MYOF: variants seen among roughly 807,000 people sequenced by gnomAD.
The protein encoded by MYOF is fer-1-like 3, myoferlin.
In MYOF, 244 loss-of-function variants were observed where a neutral mutation model predicts 284.2. The ratio of observed to expected loss-of-function variants is 0.86; its 90% CI spans 0.77 to 0.95. MYOF has a LOEUF of 0.95. MYOF is among the 40% of genes least tolerant of loss of function. The pLI is 0.00. For synonymous variants in MYOF, 904 were observed against 919.7 expected (o/e 0.98, Z 0.31); for missense variants, 2,496 against 2,560.6 (o/e 0.97, Z 0.54).
intron 21 of MYOF, 43 bp downstream of exon 21, chr10:93,379,820 A>G (rs1564665699): frequency 2.5e-6 from 4 of 1,609,766 alleles, no homozygotes; most frequent in Non-Finnish European, 3.4e-6. Flanking sequence ...TACCTAATTC[A>G]CCCTGCTTGG....
chr10:93,361,848 A>C lies in MYOF; in HGVS notation c.2869-291T>G, dbSNP rs547364863. ...AGTGGTTGAATCTCAGCAATTTCTT[A>C]TGGTTCAACTTAATATTATGAAATG... On this transcript the variant is annotated intron_variant, in intron 27 of 53. Coordinates refer to ENST00000359263, the MANE Select transcript of MYOF (RefSeq NM_013451.4). Among the ~76,000 whole-genome samples, 3 of 152,324 alleles carry C rather than the reference A, an allele frequency of 2.0e-5. No homozygotes were observed. In the South Asian group the frequency reaches 6.2e-4, roughly 32 times the overall value.
In MYOF at chr10:93,329,777, A is replaced by T. The variant is rs1302477352; in HGVS notation, c.4869T>A (p.Tyr1623Ter). 10 of 1,614,104 alleles carry T rather than the reference A, an allele frequency of 6.2e-6. No individual in the cohort carries two copies. The highest frequency in any genetic ancestry group is 1.3e-5 in the African/African-American group (1 of 74,928). The change falls in exon 44 of 54, where the codon TAT becomes TAA. Residue 1623 changes from tyrosine to a stop codon, truncating the protein, a stop_gained. Coordinates refer to ENST00000359263, the MANE Select transcript of MYOF (RefSeq NM_013451.4). LOFTEE classifies it high-confidence loss of function. ...CATCCCGGGTAAAGGTGTCATAATCATAGACAGAAATTTTCAGGTCTTTTT... is the reference window on the plus strand; with the variant it reads ...CATCCCGGGTAAAGGTGTCATAATCTTAGACAGAAATTTTCAGGTCTTTTT... ...PQEKDLKISV[Y>*]DYDTFTRDEK...
At chr10:93,423,610 G>A (rs950625145) in intron 5 of MYOF, among the ~76,000 whole-genome samples, 6 of 149,984 alleles carry the variant, frequency 4.0e-5, no homozygotes, top group African/African-American at 1.5e-4. Context: ...AAGGTGGGTG[G>A]ATCACGAGGT....
chr10:93,346,977 G>A (rs1429357148), intron 37 of MYOF, among the ~76,000 whole-genome samples: 1 of 152,180 alleles, frequency 6.6e-6, no homozygotes, highest in East Asian at 1.9e-4. Flanking sequence ...TTGTTGAAAG[G>A]TGAATAGGGA....
chr10:93,340,822 G>A (rs990130606), intron 38 of MYOF, among the ~76,000 whole-genome samples: 1 of 151,776 alleles, frequency 6.6e-6, no homozygotes, highest in Non-Finnish European at 1.5e-5. Flanking sequence ...AGAGAATGAA[G>A]AACTGGGAAG....
chr10:93,377,901 G>A (rs892734065), intron 21 of MYOF, among the ~76,000 whole-genome samples: 3 of 152,184 alleles, frequency 2.0e-5, no homozygotes, highest in African/African-American at 7.2e-5. Flanking sequence ...TGTGGTATTG[G>A]ACTGGAATTG....
At chr10:93,317,705 T>A (rs1179183233) in intron 49 of MYOF, among the ~76,000 whole-genome samples, 1 of 152,192 alleles carries the variant, frequency 6.6e-6, no homozygotes, top group Non-Finnish European at 1.5e-5. Flanking sequence ...CAGATCCTCA[T>A]GCTAGAGGTA....
At chr10:93,388,490 G>C (rs1846510118) in intron 18 of MYOF, among the ~76,000 whole-genome samples, 2 of 152,178 alleles carry the variant, frequency 1.3e-5, no homozygotes, top group African/African-American at 4.8e-5. Flanking sequence ...AGAACCTTCT[G>C]GAAAGGACGG....
At chr10:93,422,663 G>T (rs1848404720) in intron 5 of MYOF, among the ~76,000 whole-genome samples, 1 of 152,072 alleles carries the variant, frequency 6.6e-6, no homozygotes, top group African/African-American at 2.4e-5. Flanking sequence ...GGGCATAGTG[G>T]TGCACACCTG....
At chr10:93,446,273 G>GAAA (rs2056426808) in intron 3 of MYOF, among the ~76,000 whole-genome samples, 3 of 152,012 alleles carry the variant, frequency 2.0e-5, no homozygotes, top group Non-Finnish European at 1.5e-5. Context: ...AATTTTTAGT[G>GAAA]AAAACACCTC....
chr10:93,342,510 C>G (rs1159937844), intron 38 of MYOF, among the ~76,000 whole-genome samples: 2 of 152,210 alleles, frequency 1.3e-5, no homozygotes, highest in Non-Finnish European at 2.9e-5. Flanking sequence ...CTGATACTAC[C>G]ATCACCAATC....
chr10:93,356,772 C>A lies in MYOF; in HGVS notation c.3197G>T (p.Arg1066Leu). 5 of 1,614,204 alleles carry A rather than the reference C, an allele frequency of 3.1e-6. No homozygotes were observed. The highest frequency in any genetic ancestry group is 3.4e-6 in the Non-Finnish European group (4 of 1,180,032). Residue 1066 changes from arginine (R) to leucine (L), a missense_variant, in exon 30 of 54, where the codon CGT becomes CTT. Arg to Leu is a moderately radical substitution (Grantham distance 102, BLOSUM62 -2). This residue lies in a region of MYOF where 2,436 missense variants were observed against 2,480.7 expected (regional missense o/e 0.98). Transcript: ENST00000359263. ...LIGWKFHWKQ[R>L]SSDTFRRRRW... ...TCTGCGGCGGAAGGTATCTGAACTA[C>A]GTTGTTTCCAGTGAAATTTCCAGCC...
chr10:93,308,825 T>C (rs1027670450), intron 53 of MYOF, among the ~76,000 whole-genome samples: 1 of 151,852 alleles, frequency 6.6e-6, no homozygotes, highest in African/African-American at 2.4e-5. Context: ...AATTATCCTA[T>C]CTTAGCATCC....
At chr10:93,330,692 T>A (rs1316474450) in intron 43 of MYOF, among the ~76,000 whole-genome samples, 1 of 152,204 alleles carries the variant, frequency 6.6e-6, no homozygotes, top group Non-Finnish European at 1.5e-5. Context: ...GTATCTGCAC[T>A]ATCCACAGAG....
chr10:93,348,724 G>C (rs1421184502), intron 36 of MYOF, among the ~76,000 whole-genome samples: 1 of 152,060 alleles, frequency 6.6e-6, no homozygotes, highest in East Asian at 1.9e-4. Flanking sequence ...TGCAAACTCT[G>C]GCCACTCACT....
In MYOF at chr10:93,408,858, C is replaced by A. The variant is rs1178666282; in HGVS notation, c.658G>T (p.Val220Phe). 3.7e-6 allele frequency: 6 copies of A among 1,614,082 alleles called. No individual in the cohort carries two copies. In the African/African-American group the frequency reaches 6.7e-5, roughly 18 times the overall value. The change falls in exon 7 of 54, where the codon GTC (valine) becomes TTC (phenylalanine). Residue 220 changes from valine (V) to phenylalanine (F), a missense_variant. This residue lies in a region of MYOF where 2,436 missense variants were observed against 2,480.7 expected (regional missense o/e 0.98). Transcript: ENST00000359263. ...QLSGNNIRPV[V>F]KVHVCGQTHR... ...GTCTGGCCACAGACGTGAACTTTGA[C>A]CACAGGCCTTATGTTGTTACCACTT...
Position 93,408,791 on chromosome 10 carries a change from T to A in MYOF, c.725A>T (p.Asp242Val), listed in dbSNP as rs1306476366. The change falls in exon 7 of 54, where the codon GAT (aspartate) becomes GTT (valine). Residue 242 changes from aspartate to valine, a missense_variant. Transcript: ENST00000359263. ...ATGCCCTCTCAACCCCTTTACCTCA[T>A]CAAAAAAAGGGTTGTTTCCTCTCTT... The part of the protein sequence containing the change: ...RIKRGNNPFF[D>V]ELFFYNVNMT... 9.3e-6 allele frequency: 15 copies of A among 1,613,820 alleles called. No individual in the cohort carries two copies. The highest frequency in any genetic ancestry group is 1.3e-5 in the Non-Finnish European group (15 of 1,179,960).
At chr10:93,320,601 A>C (rs1221355509) in intron 48 of MYOF, among the ~76,000 whole-genome samples, 1 of 152,146 alleles carries the variant, frequency 6.6e-6, no homozygotes, top group African/African-American at 2.4e-5. Flanking sequence ...TTTCAGTAAC[A>C]TCTTAACTTT....
At chr10:93,409,191 CAG>C (rs1350223128) in intron 6 of MYOF, among the ~76,000 whole-genome samples, 1 of 152,164 alleles carries the variant, frequency 6.6e-6, no homozygotes, top group African/African-American at 2.4e-5. Context: ...GGTCACTGCT[CAG>C]ACTCCAGTCA....
Sources: gnomAD v4.1 joint callset for allele counts (sites outside exome capture counted in the v4.1 genomes callset) on GRCh38, gnomAD v4.1.1 for gene constraint, gnomAD v4.1.1 regional missense constraint, MANE v1.5 for transcripts, NCBI Gene and HGNC (gene_info 2026-07-23, HGNC 2026-07-21) for gene names.